The following DAAM1 variants were observed in gnomAD, a reference collection of about 807,000 sequenced individuals.
DAAM1 encodes the protein disheveled-associated activator of morphogenesis 1.
DAAM1 carries 52 observed loss-of-function variants against 130.0 expected under a neutral mutation model. The ratio of observed to expected loss-of-function variants is 0.40; its 90% CI spans 0.32 to 0.50. The LOEUF is 0.50. Among genes scored for constraint, DAAM1 ranks in the 20% least tolerant of loss-of-function variants. DAAM1 has a pLI of 0.61. For missense variants in DAAM1, 1,134 were observed against 1,303.8 expected, an observed-to-expected ratio of 0.87 and a Z score of 2.01; for synonymous variants, 452 against 444.5, an observed-to-expected ratio of 1.02 and a Z score of -0.21.
chr14:59,211,448 A>G (rs1888423118), intron 1 of DAAM1, among the ~76,000 whole-genome samples: 1 of 152,192 alleles, frequency 6.6e-6, no homozygotes, highest in South Asian at 2.1e-4. Flanking sequence ...GTGGTGTAAT[A>G]GTTGTTACAA....
intron 1 of DAAM1, among the ~76,000 whole-genome samples, chr14:59,253,848 G>T (rs1026039152): frequency 1.2e-4 from 19 of 152,138 alleles, no homozygotes; most frequent in African/African-American, 4.3e-4. Flanking sequence ...AGTACCTCCA[G>T]TATCTTCTTT....
chr14:59,320,364 T>G, intron 4 of DAAM1, 126 bp from the exon 5 acceptor site: 1 of 751,126 alleles, frequency 1.3e-6, no homozygotes, highest in Non-Finnish European at 2.1e-6. Flanking sequence ...AAGACTTAAC[T>G]TACTTAATCA....
intron 17 of DAAM1, among the ~76,000 whole-genome samples, chr14:59,351,389 T>C (rs1386341829): frequency 6.6e-6 from 1 of 152,154 alleles, no homozygotes; most frequent in Non-Finnish European, 1.5e-5. Flanking sequence ...ATTTTTAAGG[T>C]ATGTCCCAGT....
chr14:59,276,713 A>G (rs1338549505), intron 2 of DAAM1, among the ~76,000 whole-genome samples: 1 of 152,206 alleles, frequency 6.6e-6, no homozygotes, highest in African/African-American at 2.4e-5. Flanking sequence ...ATGGTTGGTA[A>G]TTCTGTGAAC....
chr14:59,322,740 A>G (rs1885060671), intron 5 of DAAM1, 152 bp from the exon 6 acceptor site: 9 of 628,116 alleles, frequency 1.4e-5, no homozygotes, highest in African/African-American at 3.6e-5. Context: ...TGTGCCAAGG[A>G]AGAGGCAAAG....
At chr14:59,341,235 C>T (rs1262236040) in intron 16 of DAAM1, among the ~76,000 whole-genome samples, 1 of 152,168 alleles carries the variant, frequency 6.6e-6, no homozygotes, top group African/African-American at 2.4e-5. Flanking sequence ...ATCCTGTTAA[C>T]ATTTTACTTC....
rs566977292 is a variant in DAAM1 at position 59,196,635 on chromosome 14, C to G, written c.-38+7867C>G. On this transcript the variant is annotated intron_variant, in intron 1 of 24. Transcript: ENST00000360909. ...GCGGGCGCCTGTAGTCCCAGCTACT[C>G]CGGAGGCTGAGGCAGGAGAATGGCG... Among the ~76,000 whole-genome samples, 71 of 151,982 alleles carry G rather than the reference C, an allele frequency of 4.7e-4. 1 individual carries two copies. The South Asian group carries it at 7.9e-3, about 17-fold the overall frequency.
intron 19 of DAAM1, among the ~76,000 whole-genome samples, chr14:59,354,636 A>T (rs1485811112): frequency 6.6e-6 from 1 of 152,166 alleles, no homozygotes; most frequent in Non-Finnish European, 1.5e-5. Flanking sequence ...TTTGATTTTT[A>T]AAATTTGTAA....
intron 6 of DAAM1, among the ~76,000 whole-genome samples, chr14:59,323,782 C>G (rs1885106110): frequency 6.6e-6 from 1 of 152,078 alleles, no homozygotes. Flanking sequence ...CCTCTAATCC[C>G]AGCACTTTGG....
chr14:59,191,640 A>G (rs1289554194), intron 1 of DAAM1, among the ~76,000 whole-genome samples: 1 of 152,178 alleles, frequency 6.6e-6, no homozygotes, highest in Non-Finnish European at 1.5e-5. Flanking sequence ...TTGCTTTTAG[A>G]ATACATTCAC....
At chr14:59,295,042 G>C (rs186381021) in intron 3 of DAAM1, among the ~76,000 whole-genome samples, 2 of 152,170 alleles carry the variant, frequency 1.3e-5, no homozygotes, top group African/African-American at 2.4e-5. Flanking sequence ...AAAAATACTT[G>C]TACCCCTTCT....
rs1287040940 is a variant in DAAM1, at chr14:59,371,379, TAA to T, written c.*2522_*2523del. 3 of 152,248 alleles carry T rather than the reference TAA, an allele frequency of 2.0e-5. No individual in the cohort carries two copies. Among genetic ancestry groups the T allele is most frequent in the East Asian group, 1.9e-4 (1 of 5,180 alleles). The allele number at this position is 152,248 out of a possible 1,614,324, so 9.4% of individuals were successfully genotyped here. ...TTTTTTTAAAAATAGCAATATGCAA[TAA>T]AGAGATGAATTCATTGGGTGTACAT... is the stretch of plus-strand genomic sequence containing the variant. On this transcript the variant is annotated 3_prime_UTR_variant, in exon 25 of 25. Coordinates refer to ENST00000360909, the MANE Select transcript of DAAM1 (RefSeq NM_001270520.2).
At chr14:59,330,807 A>C in intron 13 of DAAM1, 119 bp downstream of exon 13, 1 of 1,070,470 alleles carries the variant, frequency 9.3e-7, no homozygotes, top group Non-Finnish European at 1.3e-6. Context: ...CTCATGATTC[A>C]TCACAATTAG....
At chr14:59,356,529 G>A (rs1886485834) in intron 20 of DAAM1, among the ~76,000 whole-genome samples, 1 of 152,202 alleles carries the variant, frequency 6.6e-6, no homozygotes, top group African/African-American at 2.4e-5. Context: ...GGCTCATTCA[G>A]CTTGCCTATG....
At chr14:59,190,400 G>T (rs572130041) in intron 1 of DAAM1, among the ~76,000 whole-genome samples, 2 of 152,268 alleles carry the variant, frequency 1.3e-5, no homozygotes, top group Non-Finnish European at 2.9e-5. Context: ...TATGGTGTTG[G>T]AGGCAGCTTT....
chr14:59,203,742 T>G (rs188812109), intron 1 of DAAM1, among the ~76,000 whole-genome samples: 4 of 152,358 alleles, frequency 2.6e-5, no homozygotes, highest in Admixed American at 2.6e-4. Context: ...TTATACCTGC[T>G]GTGATGACAA....
At chr14:59,302,149 A>C (rs1302036535) in intron 3 of DAAM1, among the ~76,000 whole-genome samples, 3 of 152,204 alleles carry the variant, frequency 2.0e-5, no homozygotes, top group African/African-American at 7.2e-5. Context: ...CCAAAATTTG[A>C]AACAATTCCG....
chr14:59,294,716 G>A (rs1167087553), intron 3 of DAAM1, among the ~76,000 whole-genome samples: 3 of 152,020 alleles, frequency 2.0e-5, no homozygotes, highest in Admixed American at 2.0e-4. Context: ...TTTAAATGAG[G>A]TTTTTCCCAG....
chr14:59,360,931 C>T, intron 22 of DAAM1, 69 bp downstream of exon 22: 1 of 1,433,308 alleles, frequency 7.0e-7, no homozygotes, highest in Non-Finnish European at 9.7e-7. Flanking sequence ...TGGTTTTCAG[C>T]AGATGGGTTG....
Sources: gnomAD v4.1 joint callset for allele counts (sites outside exome capture counted in the v4.1 genomes callset) on GRCh38, gnomAD v4.1.1 for gene constraint, MANE v1.5 for transcripts, NCBI Gene and HGNC (gene_info 2026-07-23, HGNC 2026-07-21) for gene names.